Variants in PCDHGA9 observed in about 807,000 individuals in gnomAD.
PCDHGA9 encodes the protein protocadherin gamma subfamily A, 9, also known as protocadherin gamma-A9.
PCDHGA9 carries 37 observed loss-of-function variants against 62.5 expected under a neutral mutation model. That is an observed-to-expected ratio of 0.59 (90% confidence interval 0.46 to 0.78). The LOEUF (loss-of-function observed/expected upper bound fraction) is 0.78, where lower values mean the gene tolerates loss of function less well. PCDHGA9 is among the 30% of genes least tolerant of loss of function. The probability of loss-of-function intolerance (pLI) is 0.00; values close to 1 mark genes in which losing one functional copy is unlikely to be tolerated. For synonymous variants in PCDHGA9, 459 were observed against 484.6 expected (o/e 0.95, Z 0.69); for missense variants, 1,138 against 1,166.2 (o/e 0.98, Z 0.35).
chr5:141,494,781 C>T, intron 1 of PCDHGA9, 26 bp from the exon 2 acceptor site: 1 of 1,614,074 alleles, frequency 6.2e-7, no homozygotes, highest in African/African-American at 1.3e-5. Flanking sequence ...GGGTACTCAG[C>T]CCCTTTCCCT....
At chr5:141,408,619 T>C in intron 1 of PCDHGA9, 1 of 1,613,974 alleles carries the variant, frequency 6.2e-7, no homozygotes, top group South Asian at 1.1e-5. Context: ...AGGAAATACA[T>C]TTAGAAATTT....
Position 141,477,809 on chromosome 5 carries a change from C to A in PCDHGA9, c.2425-16998C>A. 1 of 1,614,146 alleles carries A rather than the reference C, an allele frequency of 6.2e-7. No individual in the cohort carries two copies. Among genetic ancestry groups the A allele is most frequent in the Non-Finnish European group, 8.5e-7 (1 of 1,180,040 alleles). On this transcript the variant is annotated intron_variant, in intron 1 of 3. Coordinates refer to ENST00000573521, the MANE Select transcript of PCDHGA9 (RefSeq NM_018921.3). The surrounding 1 kb of genome is among the most constrained non-coding windows in gnomAD (Gnocchi z 4.9). ...TGTCACTGATCGCAATGACAATGCC[C>A]CCCAGGTCCTATATCCTCGGCCAGG...
chr5:141,451,256 A>T (rs376288655), intron 1 of PCDHGA9, among the ~76,000 whole-genome samples: 1 of 152,212 alleles, frequency 6.6e-6, no homozygotes, highest in African/African-American at 2.4e-5. Context: ...GTGGATCAGG[A>T]CTGGGTATAG....
At chr5:141,500,184 TTTTATTTATTTA>T (rs58019021) in intron 2 of PCDHGA9, among the ~76,000 whole-genome samples, 197 of 135,960 alleles carry the variant, frequency 1.4e-3, no homozygotes, top group African/African-American at 3.6e-3. Context: ...TCATTTTTAT[TTTTATTTATTTA>T]TTTATTTATT....
chr5:141,477,642 A>G lies in PCDHGA9; in HGVS notation c.2425-17165A>G, dbSNP rs767152121. On this transcript the variant is annotated intron_variant, in intron 1 of 3. Transcript: ENST00000573521. The surrounding 1 kb of genome is among the most constrained non-coding windows in gnomAD (Gnocchi z 4.9). ...GCTGAAACCGGGCTAGTGGGTCGCT[A>G]TTTCACAATAAATCGTGACAATGGC... 9 of 1,614,136 alleles carry G rather than the reference A, an allele frequency of 5.6e-6. No individual in the cohort carries two copies. Among genetic ancestry groups the G allele is most frequent in the Non-Finnish European group, 7.6e-6 (9 of 1,180,022 alleles).
At chr5:141,421,241 T>C in intron 1 of PCDHGA9, 1 of 1,600,982 alleles carries the variant, frequency 6.2e-7, no homozygotes, top group Non-Finnish European at 8.5e-7. Flanking sequence ...GCGAATCGGC[T>C]ACAGCGCGGG....
At position 141,485,704 on chromosome 5, in the gene PCDHGA9, CTT is replaced by C; in HGVS notation, c.2425-9101_2425-9100del. On this transcript the variant is annotated intron_variant, in intron 1 of 3. Coordinates refer to ENST00000573521, the MANE Select transcript of PCDHGA9 (RefSeq NM_018921.3). The surrounding 1 kb of genome is among the most constrained non-coding windows in gnomAD (Gnocchi z 5.7). ...GCTATAGGCTGAGCTCCAATGAACA[CTT>C]TGCACTGGATGTGAAGAAGCGCAGC... is the stretch of plus-strand genomic sequence containing the variant. 6.2e-7 allele frequency: 1 copy of C among 1,614,180 alleles called. No homozygotes were observed. The highest frequency in any genetic ancestry group is 8.5e-7 in the Non-Finnish European group (1 of 1,180,032).
intron 1 of PCDHGA9, chr5:141,441,665 A>ACAGTG (rs936537442): frequency 7.5e-6 from 2 of 265,720 alleles, no homozygotes; most frequent in African/African-American, 4.7e-5. Flanking sequence ...CCTTGAGCGC[A>ACAGTG]CAGTGCGCCT....
rs1175280816 is a variant in PCDHGA9 at position 141,511,121 on chromosome 5, C to T, written c.2747C>T (p.Pro916Leu). 2 of 1,614,102 alleles carry T rather than the reference C, an allele frequency of 1.2e-6. No homozygotes were observed. Among genetic ancestry groups the T allele is most frequent in the African/African-American group, 1.3e-5 (1 of 74,938 alleles). Residue 916 changes from proline (P) to leucine (L), a missense_variant, in exon 4 of 4, where the codon CCA becomes CTA. Transcript: ENST00000573521. ...GCTGGCAAGCGGGATGGCAAGGCCCCAGCAGGTGGCAATGGCAACAAGAAG... is the reference window on the plus strand; with the variant it reads ...GCTGGCAAGCGGGATGGCAAGGCCCTAGCAGGTGGCAATGGCAACAAGAAG... ...NAAGKRDGKA[P>L]AGGNGNKKKS...
intron 2 of PCDHGA9, among the ~76,000 whole-genome samples, chr5:141,504,859 C>T (rs1396681670): frequency 6.6e-6 from 1 of 152,090 alleles, no homozygotes; most frequent in African/African-American, 2.4e-5. Context: ...TCTTCCATTT[C>T]CCACCTTCAC....
intron 2 of PCDHGA9, among the ~76,000 whole-genome samples, chr5:141,495,644 A>G (rs767670166): frequency 5.3e-5 from 8 of 151,770 alleles, no homozygotes; most frequent in Non-Finnish European, 1.0e-4. Context: ...TCATTTGTCT[A>G]CTTGCATTGA....
rs1259098111 is a variant in PCDHGA9 at position 141,489,418 on chromosome 5, T to C, written c.2425-5389T>C. On this transcript the variant is annotated intron_variant, in intron 1 of 3. Coordinates refer to ENST00000573521, the MANE Select transcript of PCDHGA9 (RefSeq NM_018921.3). This position sits in a 1 kb window ranked among gnomAD's most constrained non-coding sequence, Gnocchi z 4.5. ...TCTGGGCTTAAAGATGACAGATCTGTTGAGCCGGCGGCTGCAATTGGGCTC... is the reference window on the plus strand; with the variant it reads ...TCTGGGCTTAAAGATGACAGATCTGCTGAGCCGGCGGCTGCAATTGGGCTC... The C allele has an allele frequency of 1.2e-6, 2 of 1,614,174 alleles. No individual in the cohort carries two copies. The highest frequency in any genetic ancestry group is 8.5e-7 in the Non-Finnish European group (1 of 1,180,032).
chr5:141,423,225 C>G (rs763729316), intron 1 of PCDHGA9: 3 of 1,613,686 alleles, frequency 1.9e-6, no homozygotes, highest in Admixed American at 1.7e-5. Context: ...TGGCTGTGGC[C>G]GACAGCATCC....
intron 2 of PCDHGA9, 91 bp from the exon 3 acceptor site, chr5:141,505,302 G>T: frequency 6.3e-7 from 1 of 1,592,714 alleles, no homozygotes; most frequent in Non-Finnish European, 8.5e-7. Context: ...TAGGGTTAGG[G>T]TACTAGGTTT....
In PCDHGA9 at chr5:141,476,833, C is replaced by T. The variant is rs746365316; in HGVS notation, c.2425-17974C>T. 1.4e-5 allele frequency: 23 copies of T among 1,613,524 alleles called. No homozygotes were observed. Among genetic ancestry groups the T allele is most frequent in the Non-Finnish European group, 1.9e-5 (23 of 1,180,050 alleles). On this transcript the variant is annotated intron_variant, in intron 1 of 3. Coordinates refer to ENST00000573521, the MANE Select transcript of PCDHGA9 (RefSeq NM_018921.3). The surrounding 1 kb of genome is among the most constrained non-coding windows in gnomAD (Gnocchi z 7.6). Reference sequence around the variant, plus strand: ...ACATCAAGGTGCTGGACGCGAATGACAATGCGCCTGTCTTCAACCAGTCCT... The same window carrying T: ...ACATCAAGGTGCTGGACGCGAATGATAATGCGCCTGTCTTCAACCAGTCCT...
intron 1 of PCDHGA9, chr5:141,415,732 T>G (rs1159160519): frequency 5.0e-6 from 7 of 1,411,138 alleles, no homozygotes; most frequent in Non-Finnish European, 6.5e-6. Context: ...AATTTGATGT[T>G]TATTAAGGTT....
At chr5:141,456,171 A>ACAGGCG (rs1443838766) in intron 1 of PCDHGA9, among the ~76,000 whole-genome samples, 2 of 152,096 alleles carry the variant, frequency 1.3e-5, no homozygotes, top group East Asian at 3.9e-4. Flanking sequence ...TGCTGGGATT[A>ACAGGCG]CAGAATAATT....
chr5:141,422,056 G>C lies in PCDHGA9; in HGVS notation c.2424+16680G>C, dbSNP rs1003977721. 1.2e-6 allele frequency: 2 copies of C among 1,611,816 alleles called. No individual in the cohort carries two copies. The highest frequency in any genetic ancestry group is 2.7e-5 in the African/African-American group (2 of 74,764). ...GGATCCAGACGAGGGAATCAACGGG[G>C]AAGTAATGTATTCATTTCGGAACAT... On this transcript the variant is annotated intron_variant, in intron 1 of 3. Transcript: ENST00000573521.
rs2094439937 is a variant in PCDHGA9 at position 141,403,666 on chromosome 5, T to C, written c.714T>C (p.Asn238=). The C allele has an allele frequency of 6.2e-7, 1 of 1,613,926 alleles. No individual in the cohort carries two copies. The highest frequency in any genetic ancestry group is 8.5e-7 in the Non-Finnish European group (1 of 1,179,890). Residue 238 remains asparagine, a synonymous_variant, in exon 1 of 4, where the codon AAT becomes AAC. Transcript: ENST00000573521. ...TGACAGTGTTGGATACAAATGATAATGCCCCGGTTTTTGCTCAACGGATTT... is the reference window on the plus strand; with the variant it reads ...TGACAGTGTTGGATACAAATGATAACGCCCCGGTTTTTGCTCAACGGATTT... ...IHVTVLDTND[N]APVFAQRIYR...
Sources: allele counts gnomAD v4.1 joint callset (sites outside exome capture counted in the v4.1 genomes callset), GRCh38; gene constraint gnomAD v4.1.1; non-coding constraint Gnocchi (gnomAD v3.1); transcripts MANE v1.5; gene names NCBI Gene and HGNC (gene_info 2026-07-23, HGNC 2026-07-21).